The following PGAP2 variants were observed in gnomAD, a reference collection of about 807,000 sequenced individuals.
The protein encoded by PGAP2 is post-GPI attachment to proteins 2.
In PGAP2, 21 loss-of-function variants were observed where a neutral mutation model predicts 33.2. That is an observed-to-expected ratio of 0.63 (90% CI 0.45 to 0.91). PGAP2 has a LOEUF of 0.91. PGAP2 is among the 40% of genes least tolerant of loss of function. The pLI is 0.00. For synonymous variants in PGAP2, 161 were observed against 172.9 expected (o/e 0.93, Z 0.54); for missense variants, 345 against 424.0 (o/e 0.81, Z 1.64).
At chr11:3,804,664 CTTT>C (rs1424558910), upstream of PGAP2, among the ~76,000 whole-genome samples, 1 of 152,060 alleles carries the variant, frequency 6.6e-6, no homozygotes, top group Non-Finnish European at 1.5e-5. Context: ...CAAATATTTT[CTTT>C]TTATTTTTGT....
chr11:3,822,453 T>G (rs2089022476), intron 3 of PGAP2, among the ~76,000 whole-genome samples: 1 of 152,066 alleles, frequency 6.6e-6, no homozygotes, highest in Admixed American at 6.6e-5. Context: ...GATGGATAGC[T>G]TAAACCCAGG....
In PGAP2 at chr11:3,823,941, A is replaced by T. The variant is rs1425843156; in HGVS notation, c.407A>T (p.Tyr136Phe). ...SAIGGEVPQR[Y>F]VWRFCIGLHS... is the part of the protein sequence containing the mutation. ...ATCGGCGGGGAGGTGCCCCAGCGCTACGTGTGGCGTTTCTGCATCGGCCTG... is the reference window on the plus strand; with the variant it reads ...ATCGGCGGGGAGGTGCCCCAGCGCTTCGTGTGGCGTTTCTGCATCGGCCTG... Residue 136 changes from tyrosine to phenylalanine, a missense_variant, in exon 4 of 7, where the codon TAC becomes TTC. Physicochemically the swap from Tyr to Phe is conservative, Grantham distance 22 (BLOSUM62 3). This residue lies in a region of PGAP2 where 311 missense variants were observed against 353.6 expected (regional missense o/e 0.88). Transcript: ENST00000278243. 5 of 1,605,496 alleles carry T rather than the reference A, an allele frequency of 3.1e-6. No individual in the cohort carries two copies. Among genetic ancestry groups the T allele is most frequent in the Non-Finnish European group, 4.2e-6 (5 of 1,179,808 alleles).
rs2089582523 is a variant in PGAP2, at chr11:3,824,316, G to A, written c.648G>A (p.Gly216=). The change falls in exon 5 of 7, where the codon GGG becomes GGA. Residue 216 remains glycine (G), a synonymous_variant. Transcript: ENST00000278243. ...TTGTGTTCATTGCCTCATCCCTCGG[G>A]CACATGCTCCTCACCTGCATTCTCT... ...AFIVFIASSL[G]HMLLTCILWR... The A allele has an allele frequency of 1.2e-6, 2 of 1,614,194 alleles. No individual in the cohort carries two copies. The highest frequency in any genetic ancestry group is 1.7e-6 in the Non-Finnish European group (2 of 1,180,046).
chr11:3,797,922 G>T, exon 1 of PGAP2: 1 of 1,548,176 alleles, frequency 6.5e-7, no homozygotes, highest in Non-Finnish European at 8.7e-7. Flanking sequence ...CTTCCTTGGA[G>T]CGCCGCGACT....
intron 3 of PGAP2, chr11:3,823,653 A>G (rs2089406676): frequency 2.6e-6 from 4 of 1,544,794 alleles, no homozygotes; most frequent in Non-Finnish European, 3.5e-6. Flanking sequence ...AGGTGCCACC[A>G]TGCTGCTGCA....
At chr11:3,808,298 A>G (rs1209759684), upstream of PGAP2, 4 of 1,551,536 alleles carry the variant, frequency 2.6e-6, no homozygotes, top group Admixed American at 7.8e-5. Flanking sequence ...CAACAGGTAG[A>G]TGGAACGCAG....
intron 3 of PGAP2, 167 bp from the exon 4 acceptor site, chr11:3,823,716 T>G (rs1478738991): frequency 3.1e-6 from 5 of 1,596,226 alleles, no homozygotes; most frequent in Non-Finnish European, 4.2e-6. Flanking sequence ...GCCTAGGACC[T>G]GGAAGGAGAG....
intron 1 of PGAP2, among the ~76,000 whole-genome samples, chr11:3,799,482 A>G (rs2083139359): frequency 6.6e-6 from 1 of 152,176 alleles, no homozygotes; most frequent in Non-Finnish European, 1.5e-5. Flanking sequence ...CGGAGATTAC[A>G]GTGAGTGGAG....
chr11:3,819,733 C>G (rs1390537691), intron 3 of PGAP2, among the ~76,000 whole-genome samples: 1 of 152,150 alleles, frequency 6.6e-6, no homozygotes, highest in Non-Finnish European at 1.5e-5. Flanking sequence ...CCCAGTTTCT[C>G]ATAGCTCCTG....
At chr11:3,803,121 G>A (rs2083739330) in intron 1 of PGAP2, among the ~76,000 whole-genome samples, 1 of 151,830 alleles carries the variant, frequency 6.6e-6, no homozygotes, top group East Asian at 2.0e-4. Flanking sequence ...AGCCTCCCGA[G>A]TAGCTGGGAC....
Position 3,817,397 on chromosome 11 carries a change from C to A in PGAP2, c.210C>A (p.Asp70Glu), listed in dbSNP as rs769119517. ...TCTCTGCGGCCTCCCAGCCTTTGGA[C>A]CCCGATGGGACCTTGTTCCGGCTTC... Reference protein sequence around the residue: ...RMFSAASQPLDPDGTLFRLRF... With the variant: ...RMFSAASQPLEPDGTLFRLRF... The change falls in exon 3 of 7, where the codon GAC (aspartate) becomes GAA (glutamate). Residue 70 changes from aspartate (D) to glutamate (E), a missense_variant. By Grantham distance (45) the Asp-to-Glu change is conservative. Transcript: ENST00000278243. The A allele has an allele frequency of 5.0e-6, 8 of 1,614,202 alleles. No individual in the cohort carries two copies. Among genetic ancestry groups the A allele is most frequent in the Non-Finnish European group, 6.8e-6 (8 of 1,180,026 alleles).
chr11:3,825,096 A>T lies in PGAP2; in HGVS notation c.785A>T (p.Tyr262Phe). The change falls in exon 6 of 7, where the codon TAC (tyrosine) becomes TTC (phenylalanine). Residue 262 changes from tyrosine to phenylalanine, a missense_variant. Around this residue, in one of 2 missense-constraint regions of PGAP2, gnomAD observed 311 missense variants for 353.6 expected, o/e 0.88. Transcript: ENST00000278243. The part of the protein sequence containing the change: ...FISFFSALAV[Y>F]FRHNMYCEAG... ...TCCTTCTTCTCGGCGCTGGCTGTCT[A>T]CTTTCGGCACAACATGTATTGTGAG... The T allele has an allele frequency of 6.2e-7, 1 of 1,614,128 alleles. No individual in the cohort carries two copies.
chr11:3,816,822 A>C (rs2134648552), intron 2 of PGAP2, among the ~76,000 whole-genome samples: 1 of 152,298 alleles, frequency 6.6e-6, no homozygotes, highest in Non-Finnish European at 1.5e-5. Context: ...AGACAGGGTC[A>C]GTGGGAGGGC....
chr11:3,810,859 G>A (rs373680437), intron 1 of PGAP2, among the ~76,000 whole-genome samples: 1 of 152,234 alleles, frequency 6.6e-6, no homozygotes, highest in African/African-American at 2.4e-5. Context: ...AGGCCTGGGG[G>A]AGGAGATGGG....
At chr11:3,806,635 T>C (rs2134227588), upstream of PGAP2, among the ~76,000 whole-genome samples, 1 of 152,284 alleles carries the variant, frequency 6.6e-6, no homozygotes, top group African/African-American at 2.4e-5. Flanking sequence ...TTATGTGAAT[T>C]ATCTCAGGTA....
intron 1 of PGAP2, among the ~76,000 whole-genome samples, chr11:3,802,227 A>G (rs1229395855): frequency 1.3e-5 from 2 of 151,946 alleles, no homozygotes; most frequent in African/African-American, 4.8e-5. Context: ...GATGAGGAAT[A>G]CTCCAAGGAA....
At chr11:3,797,923 C>A (rs763253326) in exon 1 of PGAP2, 13 of 1,547,778 alleles carry the variant, frequency 8.4e-6, no homozygotes, top group Non-Finnish European at 1.0e-5. Flanking sequence ...TTCCTTGGAG[C>A]GCCGCGACTC....
intron 3 of PGAP2, 143 bp downstream of exon 3, chr11:3,817,678 C>T (rs777161971): frequency 1.1e-5 from 8 of 735,802 alleles, no homozygotes; most frequent in Admixed American, 2.0e-5. Flanking sequence ...AAGTCAGAGT[C>T]AGAGATAATT....
upstream of PGAP2, among the ~76,000 whole-genome samples, chr11:3,807,044 A>C (rs1423547950): frequency 7.0e-6 from 1 of 143,520 alleles, no homozygotes; most frequent in Non-Finnish European, 1.5e-5. Context: ...AGAAAGAAAG[A>C]AAAAAAAAAG....
Sources: gnomAD v4.1 joint callset for allele counts (sites outside exome capture counted in the v4.1 genomes callset) on GRCh38, gnomAD v4.1.1 for gene constraint, gnomAD v4.1.1 regional missense constraint, MANE v1.5 for transcripts, NCBI Gene and HGNC (gene_info 2026-07-23, HGNC 2026-07-21) for gene names.